RUNDC3B: variants seen among roughly 807,000 people sequenced by gnomAD.
RUNDC3B encodes the protein RUN domain-containing protein 3B.
RUNDC3B carries 33 observed loss-of-function variants against 58.4 expected under a neutral mutation model. The observed-to-expected ratio is 0.56, with a 90% CI of 0.43 to 0.75. The LOEUF (loss-of-function observed/expected upper bound fraction) is 0.75, where lower values mean the gene tolerates loss of function less well. RUNDC3B is among the 30% of genes least tolerant of loss of function. The pLI is 0.00. For synonymous variants in RUNDC3B, 193 were observed against 195.2 expected, an observed-to-expected ratio of 0.99 and a Z score of 0.10; for missense variants, 501 against 535.7, an observed-to-expected ratio of 0.94 and a Z score of 0.64.
intron 6 of RUNDC3B, among the ~76,000 whole-genome samples, chr7:87,752,543 C>A (rs971885901): frequency 1.3e-5 from 2 of 152,126 alleles, no homozygotes; most frequent in Admixed American, 6.5e-5. Flanking sequence ...ATTATTGCCA[C>A]AATTTCAGAT....
intron 6 of RUNDC3B, among the ~76,000 whole-genome samples, chr7:87,754,228 A>G (rs1191229305): frequency 6.6e-6 from 1 of 152,226 alleles, no homozygotes; most frequent in Non-Finnish European, 1.5e-5. Context: ...AACCAAAATC[A>G]TACCAAACAC....
intron 2 of RUNDC3B, among the ~76,000 whole-genome samples, chr7:87,656,266 A>G (rs1332177148): frequency 6.6e-6 from 1 of 152,092 alleles, no homozygotes; most frequent in Non-Finnish European, 1.5e-5. Context: ...AAATTTTTAA[A>G]TAATTTTTAA....
intron 2 of RUNDC3B, among the ~76,000 whole-genome samples, chr7:87,667,928 A>T (rs1825430459): frequency 6.6e-6 from 1 of 152,068 alleles, no homozygotes; most frequent in South Asian, 2.1e-4. Context: ...TTCATCAAGG[A>T]TATCAGCCTG....
At chr7:87,755,240 C>T (rs2130842109) in intron 6 of RUNDC3B, among the ~76,000 whole-genome samples, 2 of 152,194 alleles carry the variant, frequency 1.3e-5, no homozygotes, top group Non-Finnish European at 2.9e-5. Flanking sequence ...CCAGGCTGGT[C>T]TCAAACTCCT....
chr7:87,747,750 G>A (rs1832728749), intron 6 of RUNDC3B, among the ~76,000 whole-genome samples: 1 of 152,082 alleles, frequency 6.6e-6, no homozygotes, highest in Non-Finnish European at 1.5e-5. Context: ...CCTGCAGATT[G>A]TCAGGGAAGT....
chr7:87,801,878 A>G (rs1374622085), intron 8 of RUNDC3B, among the ~76,000 whole-genome samples: 3 of 152,232 alleles, frequency 2.0e-5, no homozygotes, highest in East Asian at 3.8e-4. Flanking sequence ...ATTTTAGCAA[A>G]TTACATAATG....
intron 2 of RUNDC3B, among the ~76,000 whole-genome samples, chr7:87,691,892 C>G (rs986073194): frequency 6.6e-6 from 1 of 152,134 alleles, no homozygotes; most frequent in African/African-American, 2.4e-5. Context: ...GTCTCTGGGC[C>G]TACCTTTTCT....
intron 2 of RUNDC3B, among the ~76,000 whole-genome samples, chr7:87,670,092 C>T (rs1158161899): frequency 6.6e-6 from 1 of 152,166 alleles, no homozygotes; most frequent in Non-Finnish European, 1.5e-5. Flanking sequence ...CTCCCCCTCC[C>T]TTTCAGGAAT....
intron 1 of RUNDC3B, among the ~76,000 whole-genome samples, chr7:87,632,421 G>A (rs1414551975): frequency 6.6e-6 from 1 of 152,162 alleles, no homozygotes. Flanking sequence ...TTTACATGTT[G>A]TAGACTAAAA....
intron 6 of RUNDC3B, among the ~76,000 whole-genome samples, chr7:87,747,412 G>A (rs1832710133): frequency 6.6e-6 from 1 of 152,192 alleles, no homozygotes; most frequent in Non-Finnish European, 1.5e-5. Flanking sequence ...GACTCTGTGA[G>A]GGTTGTTAGC....
intron 2 of RUNDC3B, among the ~76,000 whole-genome samples, chr7:87,663,017 A>G (rs1191938259): frequency 6.6e-6 from 1 of 152,010 alleles, no homozygotes; most frequent in Non-Finnish European, 1.5e-5. Context: ...TATAAATAAT[A>G]GTACTTGATT....
intron 9 of RUNDC3B, among the ~76,000 whole-genome samples, chr7:87,811,411 A>G (rs1348892351): frequency 6.7e-6 from 1 of 150,362 alleles, no homozygotes; most frequent in Non-Finnish European, 1.5e-5. Context: ...TCGGCTCACC[A>G]CAACCTTTGC....
chr7:87,829,841 C>T (rs1838039509), intron 10 of RUNDC3B, 44 bp from the exon 11 acceptor site: 1 of 1,399,676 alleles, frequency 7.1e-7, no homozygotes, highest in Admixed American at 1.9e-5. Context: ...TTGTATCATT[C>T]TTGAAGGGCA....
chr7:87,698,574 AT>A lies in RUNDC3B; in HGVS notation c.239-1840del, dbSNP rs28381730. On this transcript the variant is annotated intron_variant, in intron 2 of 10. Coordinates refer to ENST00000394654, the MANE Select transcript of RUNDC3B (RefSeq NM_001134405.2). ...ACTATTGCTATAAAAAGATAATTGG[AT>A]TTTTTTAAATTTAAGTTTTTGTGTT... 2.5e-3 allele frequency among the ~76,000 whole-genome samples: 377 copies of A among 152,252 alleles called. 12 individuals are homozygous for A. The highest frequency in any genetic ancestry group is 0.022 in the Admixed American group (331 of 15,294).
At chr7:87,658,232 T>A (rs1223615105) in intron 2 of RUNDC3B, among the ~76,000 whole-genome samples, 1 of 152,102 alleles carries the variant, frequency 6.6e-6, no homozygotes, top group South Asian at 2.1e-4. Context: ...GGAAATTTGG[T>A]GCTGAAAAAA....
chr7:87,820,774 C>A lies in RUNDC3B; in HGVS notation c.1225+4512C>A, dbSNP rs1239819940. 2.2e-3 allele frequency among the ~76,000 whole-genome samples: 336 copies of A among 151,092 alleles called. 1 individual carries two copies. The highest frequency in any genetic ancestry group is 7.6e-3 in the African/African-American group (313 of 41,244). On this transcript the variant is annotated intron_variant, in intron 10 of 10. Transcript: ENST00000394654. ...AATGTAATCCAGCATATAAACAGAA[C>A]CAAAGACAAAAACCACATGATTATC...
intron 6 of RUNDC3B, among the ~76,000 whole-genome samples, chr7:87,759,522 C>T (rs1257705346): frequency 6.6e-6 from 1 of 152,062 alleles, no homozygotes; most frequent in East Asian, 1.9e-4. Flanking sequence ...TGTGGTTGGG[C>T]ATGGTGGCTC....
intron 1 of RUNDC3B, among the ~76,000 whole-genome samples, chr7:87,635,635 A>G (rs568697688): frequency 6.6e-6 from 1 of 152,144 alleles, no homozygotes; most frequent in Non-Finnish European, 1.5e-5. Flanking sequence ...ATTGACTTAT[A>G]CTTTCCATAT....
At chr7:87,639,301 C>A (rs1822194259) in intron 1 of RUNDC3B, among the ~76,000 whole-genome samples, 1 of 151,778 alleles carries the variant, frequency 6.6e-6, no homozygotes, top group African/African-American at 2.4e-5. Context: ...TTTGTTGATG[C>A]TTTATGATGC....
Sources: gnomAD v4.1 joint callset for allele counts (sites outside exome capture counted in the v4.1 genomes callset) on GRCh38, gnomAD v4.1.1 for gene constraint, MANE v1.5 for transcripts, NCBI Gene and HGNC (gene_info 2026-07-23, HGNC 2026-07-21) for gene names.